ZWILCH: variants seen among roughly 807,000 people sequenced by gnomAD.
ZWILCH encodes zwilch kinetochore protein, also known as protein zwilch homolog.
ZWILCH carries 74 observed loss-of-function variants against 79.9 expected under a neutral mutation model. That is an observed-to-expected ratio of 0.93 (90% confidence interval 0.77 to 1.12). The LOEUF (loss-of-function observed/expected upper bound fraction) is 1.12, where lower values mean the gene tolerates loss of function less well. Ranked by LOEUF, ZWILCH falls within the 50% of genes most tolerant of loss-of-function variation. ZWILCH has a pLI of 0.00. For missense variants in ZWILCH, 694 were observed against 687.5 expected (o/e 1.01, Z -0.11); for synonymous variants, 241 against 228.2 (o/e 1.06, Z -0.51).
chr15:66,543,749 C>A (rs1328906877), intron 17 of ZWILCH, among the ~76,000 whole-genome samples: 2 of 151,198 alleles, frequency 1.3e-5, no homozygotes, highest in African/African-American at 4.9e-5. Context: ...AGAGCAAGAC[C>A]CTGTCTCAGA....
intron 10 of ZWILCH, among the ~76,000 whole-genome samples, chr15:66,528,518 A>G (rs966652998): frequency 1.2e-4 from 19 of 152,224 alleles, no homozygotes; most frequent in African/African-American, 4.3e-4. Flanking sequence ...ACTATCATAT[A>G]TTAATATACT....
chr15:66,533,064 C>G, intron 14 of ZWILCH, 51 bp downstream of exon 14: 1 of 1,350,392 alleles, frequency 7.4e-7, no homozygotes, highest in Non-Finnish European at 1.0e-6. Context: ...TTCAGTCATT[C>G]TGTGTGCAGT....
Position 66,532,332 on chromosome 15 carries a change from C to T in ZWILCH, c.1241C>T (p.Thr414Ile). 1 of 1,612,722 alleles carries T rather than the reference C, an allele frequency of 6.2e-7. No individual in the cohort carries two copies. The highest frequency in any genetic ancestry group is 1.7e-4 in the Middle Eastern group (1 of 6,056). Residue 414 changes from threonine (T) to isoleucine (I), a missense_variant, in exon 13 of 19, where the codon ACT becomes ATT. By Grantham distance (89) the Thr-to-Ile change is moderately conservative. Transcript: ENST00000307897. ...ATGGACACAGTTTCTCTCAGTGGGACTATTCCAGTTCAAATGCTTTTGGAA... is the reference window on the plus strand; with the variant it reads ...ATGGACACAGTTTCTCTCAGTGGGATTATTCCAGTTCAAATGCTTTTGGAA... The part of the protein sequence containing the change: ...GTMDTVSLSG[T>I]IPVQMLLEIG...
At chr15:66,505,567 G>C (rs1893781500) in intron 1 of ZWILCH, 176 bp downstream of exon 1, 4 of 669,282 alleles carry the variant, frequency 6.0e-6, no homozygotes, top group Non-Finnish European at 7.6e-6. Flanking sequence ...TTGACCGTGT[G>C]GGAGCTTGCT....
chr15:66,511,914 C>T (rs1433129208), intron 2 of ZWILCH, among the ~76,000 whole-genome samples: 1 of 152,040 alleles, frequency 6.6e-6, no homozygotes, highest in Non-Finnish European at 1.5e-5. Context: ...TGCACCCAGC[C>T]GTGAAAATGC....
At chr15:66,509,819 CTACATATATATATATA>C (rs1356947506) in intron 2 of ZWILCH, among the ~76,000 whole-genome samples, 12 of 49,846 alleles carry the variant, frequency 2.4e-4, no homozygotes, top group African/African-American at 4.5e-4. Flanking sequence ...GTGTGTGTGG[CTACATATATATATATA>C]TATATATATA....
intron 16 of ZWILCH, 82 bp from the exon 17 acceptor site, chr15:66,540,016 A>C: frequency 3.4e-6 from 3 of 892,072 alleles, no homozygotes; most frequent in Non-Finnish European, 5.3e-6. Context: ...TCACATGAAG[A>C]CTTCACTAAA....
At chr15:66,506,472 C>T (rs1373934744) in intron 1 of ZWILCH, among the ~76,000 whole-genome samples, 1 of 152,130 alleles carries the variant, frequency 6.6e-6, no homozygotes, top group Non-Finnish European at 1.5e-5. Flanking sequence ...AGTTCTAGAC[C>T]AGCCTGGCCA....
chr15:66,513,665 G>A (rs1288670904), intron 2 of ZWILCH, among the ~76,000 whole-genome samples: 1 of 151,216 alleles, frequency 6.6e-6, no homozygotes, highest in Non-Finnish European at 1.5e-5. Flanking sequence ...CCCGCCTCCC[G>A]GGTTCACACC....
At position 66,546,610 on chromosome 15, in the gene ZWILCH, A is replaced by G; in HGVS notation, c.1707A>G (p.Leu569=). Residue 569 remains leucine (L), a synonymous_variant, in exon 18 of 19, where the codon CTA becomes CTG. Transcript: ENST00000307897. The part of the protein sequence containing the change: ...FHKPDFSELT[L]NGSLEERIFF... ...TTACAGATTTTTCGGAATTAACACT[A>G]AACGGTAGCCTGGAAGAAAGGATAT... 6.2e-7 allele frequency: 1 copy of G among 1,608,152 alleles called. No homozygotes were observed. Among genetic ancestry groups the G allele is most frequent in the Non-Finnish European group, 8.5e-7 (1 of 1,177,548 alleles).
intron 7 of ZWILCH, 151 bp downstream of exon 7, chr15:66,521,356 C>G (rs1183261377): frequency 1.2e-6 from 1 of 829,714 alleles, no homozygotes; most frequent in Non-Finnish European, 1.9e-6. Flanking sequence ...ACTAACGTCT[C>G]ACCAGGGCAG....
intron 17 of ZWILCH, among the ~76,000 whole-genome samples, chr15:66,541,419 AC>A (rs1466670289): frequency 6.6e-6 from 1 of 152,186 alleles, no homozygotes; most frequent in African/African-American, 2.4e-5. Flanking sequence ...GTATAGAGGA[AC>A]TTTTACTAAA....
intron 1 of ZWILCH, among the ~76,000 whole-genome samples, chr15:66,507,494 A>G (rs190345347): frequency 2.0e-4 from 31 of 152,278 alleles, no homozygotes; most frequent in Admixed American, 1.8e-3. Context: ...TTTCCCATTT[A>G]AAGTCATTTA....
At chr15:66,521,317 T>G in intron 7 of ZWILCH, 112 bp downstream of exon 7, 1 of 1,297,238 alleles carries the variant, frequency 7.7e-7, no homozygotes, top group Non-Finnish European at 1.1e-6. Context: ...GAGTGTGAGC[T>G]TGGACAACTC....
chr15:66,531,925 G>T (rs550801779), intron 12 of ZWILCH, among the ~76,000 whole-genome samples: 1 of 152,138 alleles, frequency 6.6e-6, no homozygotes, highest in Non-Finnish European at 1.5e-5. Context: ...AAATTAGCCA[G>T]GTGCAGTGGC....
Position 66,537,234 on chromosome 15 carries a change from A to G in ZWILCH, c.1545A>G (p.Arg515=). 2 of 1,613,386 alleles carry G rather than the reference A, an allele frequency of 1.2e-6. No homozygotes were observed. The highest frequency in any genetic ancestry group is 1.7e-6 in the Non-Finnish European group (2 of 1,179,886). The part of the protein sequence containing the change: ...DEQHIFQLPV[R]PTAVKNLYQS... ...AACACATTTTTCAGCTGCCAGTCAG[A>G]CCAACTGCTGTAAAGAACTTATATC... The change falls in exon 16 of 19, where the codon AGA becomes AGG. Residue 515 remains arginine, a synonymous_variant. Coordinates refer to ENST00000307897, the MANE Select transcript of ZWILCH (RefSeq NM_017975.5).
intron 4 of ZWILCH, among the ~76,000 whole-genome samples, chr15:66,518,655 A>G (rs1167271940): frequency 6.6e-6 from 1 of 152,192 alleles, no homozygotes; most frequent in Non-Finnish European, 1.5e-5. Flanking sequence ...TCTACAAAAC[A>G]TAAAAATAAG....
chr15:66,525,961 G>A (rs1894659657), intron 8 of ZWILCH, among the ~76,000 whole-genome samples: 2 of 151,422 alleles, frequency 1.3e-5, no homozygotes, highest in South Asian at 4.2e-4. Flanking sequence ...GAGGGGTTTC[G>A]CCACGTTGGC....
chr15:66,517,129 C>A (rs1404958672), intron 4 of ZWILCH, among the ~76,000 whole-genome samples: 1 of 151,856 alleles, frequency 6.6e-6, no homozygotes, highest in Admixed American at 6.6e-5. Context: ...AATTTTGATA[C>A]ACTTTCAAAT....
Sources: allele counts gnomAD v4.1 joint callset (sites outside exome capture counted in the v4.1 genomes callset), GRCh38; gene constraint gnomAD v4.1.1; transcripts MANE v1.5; gene names NCBI Gene and HGNC (gene_info 2026-07-23, HGNC 2026-07-21).